Variants in RPRML observed in about 807,000 individuals in gnomAD.
RPRML encodes the protein reprimo like.
A neutral mutation model predicts 5.2 loss-of-function variants in RPRML; 4 were observed. The ratio of observed to expected loss-of-function variants is 0.77; its 90% CI spans 0.38 to 1.76. The LOEUF is 1.76. Ranked by LOEUF, RPRML falls within the 40% of genes most tolerant of loss-of-function variation. The pLI is 0.04. For missense variants in RPRML, 181 were observed against 177.7 expected (o/e 1.02, Z -0.11); for synonymous variants, 79 against 89.1 (o/e 0.89, Z 0.64).
In RPRML at chr17:46,978,722, C is replaced by CG. The variant is rs2091466542; in HGVS notation, c.285dup (p.Glu96ArgfsTer103). Reference sequence around the variant, plus strand: ...TGCACCAGAAAGTTGATCATGCTCTCGGACTTGATGAGCAGGTTGCAGCCC... The same window carrying CG: ...TGCACCAGAAAGTTGATCATGCTCTCGGGACTTGATGAGCAGGTTGCAGCCC... On this transcript the variant is annotated frameshift_variant, in exon 1 of 1. Coordinates refer to ENST00000322329, the MANE Select transcript of RPRML (RefSeq NM_203400.5). LOFTEE classifies it high-confidence loss of function. 1 of 1,612,208 alleles carries CG rather than the reference C, an allele frequency of 6.2e-7. No homozygotes were observed. Among genetic ancestry groups the CG allele is most frequent in the Non-Finnish European group, 8.5e-7 (1 of 1,179,408 alleles).
rs746994018 is a variant in RPRML at position 46,978,804 on chromosome 17, C to T, written c.204G>A (p.Ala68=). 57 of 1,610,846 alleles carry T rather than the reference C, an allele frequency of 3.5e-5. No homozygotes were observed. Among genetic ancestry groups the T allele is most frequent in the African/African-American group, 5.4e-5 (4 of 74,692 alleles). Reference sequence around the variant, plus strand: ...ACAGCACGCAGAGCACGGCGATCTGCGCCACCCGCGACACCCACAGGCTGC... The same window carrying T: ...ACAGCACGCAGAGCACGGCGATCTGTGCCACCCGCGACACCCACAGGCTGC... ...DERSLWVSRV[A]QIAVLCVLSL... Residue 68 remains alanine, a synonymous_variant, in exon 1 of 1, where the codon GCG becomes GCA. Transcript: ENST00000322329.
At position 46,978,544 on chromosome 17, in the gene RPRML, C is replaced by G. The variant is rs959252146; in HGVS notation, c.*101G>C. 1 of 1,421,390 alleles carries G rather than the reference C, an allele frequency of 7.0e-7. No individual in the cohort carries two copies. The highest frequency in any genetic ancestry group is 9.3e-7 in the Non-Finnish European group (1 of 1,071,298). The allele number at this position is 1,421,390 out of a possible 1,614,324, so 88.0% of individuals were successfully genotyped here. A position where few individuals can be genotyped will look rare whatever the true frequency, so the allele number is the denominator to read the frequency against. On this transcript the variant is annotated 3_prime_UTR_variant, in exon 1 of 1. Transcript: ENST00000322329. ...CCCGGGCGCCCCAGGCACGTAGCTG[C>G]CCGCCCGGAGGCGGCGGCAGAGCGC...
rs770603387 is a variant in RPRML at position 46,978,809 on chromosome 17, C to T, written c.199G>A (p.Val67Met). ...ACGCAGAGCACGGCGATCTGCGCCA[C>T]CCGCGACACCCACAGGCTGCGCTCG... ...PDERSLWVSR[V>M]AQIAVLCVLS... The change falls in exon 1 of 1, where the codon GTG (valine) becomes ATG (methionine). Residue 67 changes from valine (V) to methionine (M), a missense_variant. Transcript: ENST00000322329. 2 of 1,610,942 alleles carry T rather than the reference C, an allele frequency of 1.2e-6. No individual in the cohort carries two copies. The highest frequency in any genetic ancestry group is 2.2e-5 in the East Asian group (1 of 44,690).
chr17:46,979,184 G>A lies in RPRML; in HGVS notation c.-177C>T. 2 of 625,932 alleles carry A rather than the reference G, an allele frequency of 3.2e-6. No homozygotes were observed. Among genetic ancestry groups the A allele is most frequent in the African/African-American group, 1.9e-5 (1 of 51,572 alleles). The allele number at this position is 625,932 out of a possible 1,614,324, so 38.8% of individuals were successfully genotyped here. The stretch of plus-strand genomic sequence containing the variant: ...CTCGGGCCGCCTACCCCTGGGCACC[G>A]GGCGGGAAGCGACCGCCCGGAGGAG... On this transcript the variant is annotated 5_prime_UTR_variant, in exon 1 of 1. Coordinates refer to ENST00000322329, the MANE Select transcript of RPRML (RefSeq NM_203400.5).
chr17:46,978,797 C>T lies in RPRML; in HGVS notation c.211G>A (p.Ala71Thr). 1 of 1,611,528 alleles carries T rather than the reference C, an allele frequency of 6.2e-7. No individual in the cohort carries two copies. Among genetic ancestry groups the T allele is most frequent in the Non-Finnish European group, 8.5e-7 (1 of 1,179,208 alleles). The change falls in exon 1 of 1, where the codon GCC (alanine) becomes ACC (threonine). Residue 71 changes from alanine to threonine, a missense_variant. Coordinates refer to ENST00000322329, the MANE Select transcript of RPRML (RefSeq NM_203400.5). ...SLWVSRVAQI[A>T]VLCVLSLTVV... ...GTAAGCGACAGCACGCAGAGCACGG[C>T]GATCTGCGCCACCCGCGACACCCAC... is the stretch of plus-strand genomic sequence containing the variant.
chr17:46,979,062 G>T lies in RPRML; in HGVS notation c.-55C>A. ...CAGTCCCGGGTGCACTGGGCTGCTC[G>T]CCGGGGTCCGCGCTCTCAGGGACGC... is the stretch of plus-strand genomic sequence containing the variant. On this transcript the variant is annotated 5_prime_UTR_variant, in exon 1 of 1. Transcript: ENST00000322329. The T allele has an allele frequency of 2.3e-6, 3 of 1,326,658 alleles. No homozygotes were observed. Among genetic ancestry groups the T allele is most frequent in the Non-Finnish European group, 2.9e-6 (3 of 1,045,808 alleles). The allele number at this position is 1,326,658 out of a possible 1,614,324, so 82.2% of individuals were successfully genotyped here.
At position 46,979,020 on chromosome 17, in the gene RPRML, C is replaced by A. The variant is rs1464298814; in HGVS notation, c.-13G>T. On this transcript the variant is annotated 5_prime_UTR_variant, in exon 1 of 1. Transcript: ENST00000322329. ...AGGTCGCGTTCATCGCCGCGCGGCG[C>A]CGGGGGTCTCGGCGCGCAGTCCCGG... 4.3e-6 allele frequency: 6 copies of A among 1,393,038 alleles called. No individual in the cohort carries two copies. In the African/African-American group the frequency reaches 9.2e-5, roughly 21 times the overall value. The allele number at this position is 1,393,038 out of a possible 1,614,324, so 86.3% of individuals were successfully genotyped here.
rs1009387686 is a variant in RPRML, at chr17:46,979,034, G to T, written c.-27C>A. 7.2e-6 allele frequency: 10 copies of T among 1,384,864 alleles called. No homozygotes were observed. The African/African-American group carries it at 1.4e-4, about 19-fold the overall frequency. The allele number at this position is 1,384,864 out of a possible 1,614,324, so 85.8% of individuals were successfully genotyped here. On this transcript the variant is annotated 5_prime_UTR_variant, in exon 1 of 1. Coordinates refer to ENST00000322329, the MANE Select transcript of RPRML (RefSeq NM_203400.5). ...GCCGCGCGGCGCCGGGGGTCTCGGC[G>T]CGCAGTCCCGGGTGCACTGGGCTGC...
chr17:46,978,550 C>G lies in RPRML; in HGVS notation c.*95G>C. Reference sequence around the variant, plus strand: ...CGCCCCAGGCACGTAGCTGCCCGCCCGGAGGCGGCGGCAGAGCGCAGAGAG... The same window carrying G: ...CGCCCCAGGCACGTAGCTGCCCGCCGGGAGGCGGCGGCAGAGCGCAGAGAG... On this transcript the variant is annotated 3_prime_UTR_variant, in exon 1 of 1. Transcript: ENST00000322329. 8 of 1,448,218 alleles carry G rather than the reference C, an allele frequency of 5.5e-6. No individual in the cohort carries two copies. Among genetic ancestry groups the G allele is most frequent in the Non-Finnish European group, 7.3e-6 (8 of 1,093,870 alleles). 89.7% of individuals were successfully genotyped at this position (1,448,218 alleles called of 1,614,324 possible). A position where few individuals can be genotyped will look rare whatever the true frequency, so the allele number is the denominator to read the frequency against.
At position 46,978,857 on chromosome 17, in the gene RPRML, C is replaced by A; in HGVS notation, c.151G>T (p.Val51Phe). 4 of 1,587,086 alleles carry A rather than the reference C, an allele frequency of 2.5e-6. No homozygotes were observed. The highest frequency in any genetic ancestry group is 3.4e-6 in the Non-Finnish European group (4 of 1,169,332). The stretch of plus-strand genomic sequence containing the variant: ...TCGTCGGGCGCCAGCCCCGCGGGGA[C>A]CCCGTCGCTGGCGGCCAGCGGTGCG... ...GGAPLAASDG[V>F]PAGLAPDERS... Residue 51 changes from valine (V) to phenylalanine (F), a missense_variant, in exon 1 of 1, where the codon GTC (valine) becomes TTC (phenylalanine). Physicochemically the swap from Val to Phe is conservative, Grantham distance 50. Transcript: ENST00000322329.
rs769249005 is a variant in RPRML, at chr17:46,978,546, C to T, written c.*99G>A. On this transcript the variant is annotated 3_prime_UTR_variant, in exon 1 of 1. Transcript: ENST00000322329. Reference sequence around the variant, plus strand: ...CGGGCGCCCCAGGCACGTAGCTGCCCGCCCGGAGGCGGCGGCAGAGCGCAG... The same window carrying T: ...CGGGCGCCCCAGGCACGTAGCTGCCTGCCCGGAGGCGGCGGCAGAGCGCAG... 3.7e-5 allele frequency: 53 copies of T among 1,440,334 alleles called. 1 individual carries two copies. In the Admixed American group the frequency reaches 6.3e-4, roughly 17 times the overall value. 89.2% of individuals were successfully genotyped at this position (1,440,334 alleles called of 1,614,324 possible).
Position 46,978,540 on chromosome 17 carries a change from G to GCTGGGCGCCCCAGGCACGTAT in RPRML, c.*104_*105insATACGTGCCTGGGGCGCCCAG. Reference sequence around the variant, plus strand: ...CCCGCCCGGGCGCCCCAGGCACGTAGCTGCCCGCCCGGAGGCGGCGGCAGA... The same window carrying GCTGGGCGCCCCAGGCACGTAT: ...CCCGCCCGGGCGCCCCAGGCACGTAGCTGGGCGCCCCAGGCACGTATCTGCCCGCCCGGAGGCGGCGGCAGA... On this transcript the variant is annotated 3_prime_UTR_variant, in exon 1 of 1. Coordinates refer to ENST00000322329, the MANE Select transcript of RPRML (RefSeq NM_203400.5). 2 of 1,417,808 alleles carry GCTGGGCGCCCCAGGCACGTAT rather than the reference G, an allele frequency of 1.4e-6. No homozygotes were observed. Among genetic ancestry groups the GCTGGGCGCCCCAGGCACGTAT allele is most frequent in the African/African-American group, 1.5e-5 (1 of 66,362 alleles). 87.8% of individuals were successfully genotyped at this position (1,417,808 alleles called of 1,614,324 possible). A position where few individuals can be genotyped will look rare whatever the true frequency, so the allele number is the denominator to read the frequency against.
In RPRML at chr17:46,978,451, C is replaced by A; in HGVS notation, c.*194G>T. ...TCTCCCACCCCGCAACGCTGCAGCG[C>A]ACACAGGACAGAGCCGGGCGTCCAA... is the stretch of plus-strand genomic sequence containing the variant. On this transcript the variant is annotated 3_prime_UTR_variant, in exon 1 of 1. Transcript: ENST00000322329. 1 of 578,998 alleles carries A rather than the reference C, an allele frequency of 1.7e-6. No homozygotes were observed. The highest frequency in any genetic ancestry group is 3.3e-5 in the East Asian group (1 of 30,184). 35.9% of individuals were successfully genotyped at this position (578,998 alleles called of 1,614,324 possible).
In RPRML at chr17:46,978,955, C is replaced by T. The variant is rs949827022; in HGVS notation, c.53G>A (p.Gly18Asp). Reference sequence around the variant, plus strand: ...TCCCAGGGCGGCCCCGGCGCCGCCGCCCACGCCGTCCACCTCCTCCAAGCC... The same window carrying T: ...TCCCAGGGCGGCCCCGGCGCCGCCGTCCACGCCGTCCACCTCCTCCAAGCC... ...HSGLEEVDGV[G>D]GGAGAALGNR... The change falls in exon 1 of 1, where the codon GGC becomes GAC. Residue 18 changes from glycine to aspartate, a missense_variant. Gly to Asp is a moderately conservative substitution (Grantham distance 94). Coordinates refer to ENST00000322329, the MANE Select transcript of RPRML (RefSeq NM_203400.5). The T allele has an allele frequency of 4.1e-6, 6 of 1,454,330 alleles. No individual in the cohort carries two copies. Among genetic ancestry groups the T allele is most frequent in the Non-Finnish European group, 4.5e-6 (5 of 1,112,626 alleles). 90.1% of individuals were successfully genotyped at this position (1,454,330 alleles called of 1,614,324 possible). A position where few individuals can be genotyped will look rare whatever the true frequency, so the allele number is the denominator to read the frequency against.
rs1356196139 is a variant in RPRML at position 46,978,817 on chromosome 17, A to C, written c.191T>G (p.Val64Gly). Reference sequence around the variant, plus strand: ...CACGGCGATCTGCGCCACCCGCGACACCCACAGGCTGCGCTCGTCGGGCGC... The same window carrying C: ...CACGGCGATCTGCGCCACCCGCGACCCCCACAGGCTGCGCTCGTCGGGCGC... ...GLAPDERSLW[V>G]SRVAQIAVLC... Residue 64 changes from valine (V) to glycine (G), a missense_variant, in exon 1 of 1, where the codon GTG (valine) becomes GGG (glycine). Coordinates refer to ENST00000322329, the MANE Select transcript of RPRML (RefSeq NM_203400.5). 1 of 1,609,370 alleles carries C rather than the reference A, an allele frequency of 6.2e-7. No individual in the cohort carries two copies. The highest frequency in any genetic ancestry group is 8.5e-7 in the Non-Finnish European group (1 of 1,178,514).
Position 46,978,824 on chromosome 17 carries a change from G to T in RPRML, c.184C>A (p.Leu62Met). 2 of 1,608,046 alleles carry T rather than the reference G, an allele frequency of 1.2e-6. No individual in the cohort carries two copies. Among genetic ancestry groups the T allele is most frequent in the Non-Finnish European group, 1.7e-6 (2 of 1,177,946 alleles). ...ATCTGCGCCACCCGCGACACCCACAGGCTGCGCTCGTCGGGCGCCAGCCCC... is the reference window on the plus strand; with the variant it reads ...ATCTGCGCCACCCGCGACACCCACATGCTGCGCTCGTCGGGCGCCAGCCCC... Reference protein sequence around the residue: ...PAGLAPDERSLWVSRVAQIAV... With the variant: ...PAGLAPDERSMWVSRVAQIAV... Residue 62 changes from leucine (L) to methionine (M), a missense_variant, in exon 1 of 1, where the codon CTG becomes ATG. Physicochemically the swap from Leu to Met is conservative, Grantham distance 15. Coordinates refer to ENST00000322329, the MANE Select transcript of RPRML (RefSeq NM_203400.5).
chr17:46,978,807 C>A lies in RPRML; in HGVS notation c.201G>T (p.Val67=). The change falls in exon 1 of 1, where the codon GTG becomes GTT. Residue 67 remains valine, a synonymous_variant. Coordinates refer to ENST00000322329, the MANE Select transcript of RPRML (RefSeq NM_203400.5). ...GCACGCAGAGCACGGCGATCTGCGC[C>A]ACCCGCGACACCCACAGGCTGCGCT... ...PDERSLWVSR[V]AQIAVLCVLS... The A allele has an allele frequency of 6.2e-7, 1 of 1,610,902 alleles. No homozygotes were observed. The highest frequency in any genetic ancestry group is 1.7e-5 in the Admixed American group (1 of 59,918).
Position 46,979,126 on chromosome 17 carries a change from G to A in RPRML, c.-119C>T, listed in dbSNP as rs1430846671. 1.8e-6 allele frequency: 2 copies of A among 1,090,866 alleles called. No homozygotes were observed. Among genetic ancestry groups the A allele is most frequent in the East Asian group, 3.4e-5 (1 of 29,706 alleles). 67.6% of individuals were successfully genotyped at this position (1,090,866 alleles called of 1,614,324 possible). A position where few individuals can be genotyped will look rare whatever the true frequency, so the allele number is the denominator to read the frequency against. On this transcript the variant is annotated 5_prime_UTR_variant, in exon 1 of 1. Transcript: ENST00000322329. ...GACCGGCTCCTGCGGTACGGGGAGG[G>A]GACGAAGGCGGGAGGCTGGCTGCCT... is the stretch of plus-strand genomic sequence containing the variant.
At position 46,978,926 on chromosome 17, in the gene RPRML, G is replaced by T. The variant is rs745613104; in HGVS notation, c.82C>A (p.Arg28Ser). ...AGCCACGTGCCCAGCCCGTGGGTGC[G>T]GTTTCCCAGGGCGGCCCCGGCGCCG... ...GGGAGAALGN[R>S]THGLGTWLGC... The change falls in exon 1 of 1, where the codon CGC becomes AGC. Residue 28 changes from arginine (R) to serine (S), a missense_variant. Physicochemically the swap from Arg to Ser is moderately radical, Grantham distance 110. Transcript: ENST00000322329. 2.5e-5 allele frequency: 37 copies of T among 1,460,708 alleles called. No homozygotes were observed. The highest frequency in any genetic ancestry group is 3.3e-5 in the Non-Finnish European group (37 of 1,115,314). The allele number at this position is 1,460,708 out of a possible 1,614,324, so 90.5% of individuals were successfully genotyped here.
Sources: gnomAD v4.1 joint callset for allele counts on GRCh38, gnomAD v4.1.1 for gene constraint, MANE v1.5 for transcripts, NCBI Gene and HGNC (gene_info 2026-07-23, HGNC 2026-07-21) for gene names.